The following STARD13 variants were observed in gnomAD, a reference collection of about 807,000 sequenced individuals.
STARD13 encodes stAR-related lipid transfer protein 13.
STARD13 carries 62 observed loss-of-function variants against 106.4 expected under a neutral mutation model. The observed-to-expected ratio is 0.58, with a 90% CI of 0.48 to 0.72. STARD13 has a LOEUF of 0.72. Ranked by LOEUF, STARD13 falls within the 30% of genes least tolerant of loss-of-function variation. The pLI is 0.00. For missense variants in STARD13, 1,387 were observed against 1,424.0 expected, an observed-to-expected ratio of 0.97 and a Z score of 0.42; for synonymous variants, 565 against 553.0, an observed-to-expected ratio of 1.02 and a Z score of -0.31.
At chr13:33,155,362 A>T (rs894368362) in intron 3 of STARD13, 8 of 152,236 alleles carry the variant, frequency 5.3e-5, no homozygotes, top group Non-Finnish European at 1.2e-4. Context: ...ATCAATGTAA[A>T]GAGCTTAGCA....
chr13:33,476,417 C>G, the STARD13 span, among the ~76,000 whole-genome samples: 3 of 152,208 alleles, frequency 2.0e-5, no homozygotes, highest in Non-Finnish European at 4.4e-5. Context: ...CAATGTGTGA[C>G]ACTCTTTTAA....
At chr13:33,219,824 AAAGAAAG>A (rs775568225) in intron 1 of STARD13, among the ~76,000 whole-genome samples, 1 of 132,802 alleles carries the variant, frequency 7.5e-6, no homozygotes, top group Non-Finnish European at 1.7e-5. Context: ...AAAAAAAAAA[AAAGAAAG>A]AAAGAAAGAA....
the STARD13 span, among the ~76,000 whole-genome samples, chr13:33,396,791 CTGTT>C: frequency 6.6e-6 from 1 of 152,090 alleles, no homozygotes; most frequent in Non-Finnish European, 1.5e-5. Flanking sequence ...TATGAGATAT[CTGTT>C]TGGTTTTCAG....
chr13:33,352,410 T>C (rs985706182), upstream of STARD13, among the ~76,000 whole-genome samples: 2 of 152,254 alleles, frequency 1.3e-5, no homozygotes, highest in Non-Finnish European at 2.9e-5. Flanking sequence ...TTTAACATTA[T>C]ATACACGGGA....
At chr13:33,608,137 C>G in the STARD13 span, among the ~76,000 whole-genome samples, 1 of 152,082 alleles carries the variant, frequency 6.6e-6, no homozygotes, top group Non-Finnish European at 1.5e-5. Context: ...GAACTCCAGG[C>G]CTCAAGTTAT....
At chr13:33,449,770 AT>A in the STARD13 span, among the ~76,000 whole-genome samples, 1 of 151,976 alleles carries the variant, frequency 6.6e-6, no homozygotes. Flanking sequence ...GTCTTCTTCA[AT>A]TTTTTTGTAG....
intron 1 of STARD13, among the ~76,000 whole-genome samples, chr13:33,259,512 CCTTT>C (rs1890531271): frequency 6.6e-6 from 1 of 152,102 alleles, no homozygotes; most frequent in African/African-American, 2.4e-5. Flanking sequence ...GAGGATGCTT[CCTTT>C]CTTTTGACAT....
chr13:33,266,719 T>C (rs1205147663), intron 1 of STARD13, among the ~76,000 whole-genome samples: 1 of 152,202 alleles, frequency 6.6e-6, no homozygotes, highest in African/African-American at 2.4e-5. Context: ...CACATACTTC[T>C]AAGTGCCTGT....
chr13:33,390,505 C>T, the STARD13 span, among the ~76,000 whole-genome samples: 1 of 152,158 alleles, frequency 6.6e-6, no homozygotes, highest in East Asian at 1.9e-4. Flanking sequence ...TGACAGAGGG[C>T]ACTGGGAGCT....
chr13:33,255,869 C>T (rs1890337260), intron 1 of STARD13, among the ~76,000 whole-genome samples: 1 of 152,192 alleles, frequency 6.6e-6, no homozygotes, highest in South Asian at 2.1e-4. Flanking sequence ...GGCCCTTCTG[C>T]TCATGTTCCC....
intron 10 of STARD13, 95 bp downstream of exon 10, chr13:33,111,683 A>G: frequency 1.3e-6 from 1 of 775,178 alleles, no homozygotes; most frequent in Non-Finnish European, 2.2e-6. Flanking sequence ...AATCAGGAAC[A>G]AACAGATAGA....
downstream of STARD13, among the ~76,000 whole-genome samples, chr13:33,343,950 T>C (rs2077991682): frequency 6.6e-6 from 1 of 152,152 alleles, no homozygotes; most frequent in South Asian, 2.1e-4. Context: ...GATCTTTTTT[T>C]TTCTGTCCCT....
At chr13:33,311,142 A>AG (rs1036277400) in intron 1 of STARD13, among the ~76,000 whole-genome samples, 1 of 151,614 alleles carries the variant, frequency 6.6e-6, no homozygotes, top group African/African-American at 2.4e-5. Flanking sequence ...AAAAAAAAAA[A>AG]AAAAAATAGT....
chr13:33,399,576 C>A, the STARD13 span, among the ~76,000 whole-genome samples: 452 of 151,698 alleles, frequency 3.0e-3, 5 homozygotes, highest in African/African-American at 0.01. Flanking sequence ...TGGCTGGTGC[C>A]TGTAGTCCCG....
chr13:33,360,955 C>A, the STARD13 span, among the ~76,000 whole-genome samples: 1 of 85,338 alleles, frequency 1.2e-5, no homozygotes, highest in African/African-American at 4.0e-5. Flanking sequence ...GCCACCACGC[C>A]CGGCTAATTT....
At chr13:33,121,334 AG>A (rs1396754700) in intron 7 of STARD13, among the ~76,000 whole-genome samples, 1 of 152,004 alleles carries the variant, frequency 6.6e-6, no homozygotes, top group African/African-American at 2.4e-5. Context: ...TGGGAGGCCG[AG>A]GTGGTTGGAT....
chr13:33,265,779 C>T (rs1176151746), intron 1 of STARD13, among the ~76,000 whole-genome samples: 1 of 151,936 alleles, frequency 6.6e-6, no homozygotes, highest in African/African-American at 2.4e-5. Context: ...CCAGACTTTA[C>T]TGAGTAAGAA....
intron 1 of STARD13, among the ~76,000 whole-genome samples, chr13:33,339,868 C>G (rs545049171): frequency 6.7e-6 from 1 of 150,212 alleles, no homozygotes; most frequent in Non-Finnish European, 1.5e-5. Context: ...AGGTGGATCA[C>G]GAAGTCAGGA....
At chr13:33,331,171 C>A (rs551798433) in intron 1 of STARD13, among the ~76,000 whole-genome samples, 1 of 152,128 alleles carries the variant, frequency 6.6e-6, no homozygotes, top group Non-Finnish European at 1.5e-5. Context: ...TCTTGCACTT[C>A]AGGTCCCAGC....
Sources: allele counts gnomAD v4.1 joint callset (sites outside exome capture counted in the v4.1 genomes callset), GRCh38; gene constraint gnomAD v4.1.1; transcripts MANE v1.5; gene names NCBI Gene and HGNC (gene_info 2026-07-23, HGNC 2026-07-21).